ARL5B: variants seen among roughly 807,000 people sequenced by gnomAD.
The protein encoded by ARL5B is ARF like GTPase 5B.
A neutral mutation model predicts 26.9 loss-of-function variants in ARL5B; 10 were observed. The observed-to-expected ratio is 0.37, with a 90% CI of 0.23 to 0.63. The LOEUF (loss-of-function observed/expected upper bound fraction) is 0.63. Ranked by LOEUF, ARL5B falls within the 30% of genes least tolerant of loss-of-function variation. The pLI is 0.62. For missense variants in ARL5B, 167 were observed against 213.9 expected (o/e 0.78, Z 1.37); for synonymous variants, 87 against 70.4 (o/e 1.24, Z -1.18).
rs142861535 is a variant in ARL5B at position 18,659,522 on chromosome 10, C to T, written c.-116C>T. 646 of 1,346,746 alleles carry T rather than the reference C, an allele frequency of 4.8e-4. 4 individuals are homozygous for T. In the African/African-American group the frequency reaches 9.0e-3, roughly 19 times the overall value. The allele number at this position is 1,346,746 out of a possible 1,614,324, so 83.4% of individuals were successfully genotyped here. On this transcript the variant is annotated 5_prime_UTR_variant, in exon 1 of 6. Coordinates refer to ENST00000377275, the MANE Select transcript of ARL5B (RefSeq NM_178815.5). ...AGGCTTCTCGGCCTAGCAGTGCCCTCGCTGCGCGATCTCAGGCGGGTTCTC... is the reference window on the plus strand; with the variant it reads ...AGGCTTCTCGGCCTAGCAGTGCCCTTGCTGCGCGATCTCAGGCGGGTTCTC...
At chr10:18,663,110 G>C (rs940730439) in intron 1 of ARL5B, among the ~76,000 whole-genome samples, 3 of 152,090 alleles carry the variant, frequency 2.0e-5, no homozygotes, top group African/African-American at 7.2e-5. Context: ...CCAAGTTCAA[G>C]CAATTCTCCT....
chr10:18,672,211 C>T (rs561352263), intron 3 of ARL5B, among the ~76,000 whole-genome samples: 5 of 152,110 alleles, frequency 3.3e-5, no homozygotes, highest in Non-Finnish European at 5.9e-5. Flanking sequence ...TTGTGGTATA[C>T]ACAAGTAAGC....
At position 18,675,386 on chromosome 10, in the gene ARL5B, C is replaced by CTT. The variant is rs902244405; in HGVS notation, c.*180_*181dup. On this transcript the variant is annotated 3_prime_UTR_variant, in exon 6 of 6. Transcript: ENST00000377275. ...TGGAACATAAAAGATTTTTTCTTAACTTTTTTTTTTTAACACACTAATCTT... is the reference window on the plus strand; with the variant it reads ...TGGAACATAAAAGATTTTTTCTTAACTTTTTTTTTTTTTAACACACTAATCTT... 76 of 480,668 alleles carry CTT rather than the reference C, an allele frequency of 1.6e-4. No individual in the cohort carries two copies. Among genetic ancestry groups the CTT allele is most frequent in the Admixed American group, 7.0e-4 (19 of 27,194 alleles). 29.8% of individuals were successfully genotyped at this position (480,668 alleles called of 1,614,324 possible). A position where few individuals can be genotyped will look rare whatever the true frequency, so the allele number is the denominator to read the frequency against.
In ARL5B at chr10:18,672,618, C is replaced by T. The variant is rs751389635; in HGVS notation, c.256-4C>T. The T allele has an allele frequency of 6.2e-7, 1 of 1,600,834 alleles. No homozygotes were observed. The highest frequency in any genetic ancestry group is 8.5e-7 in the Non-Finnish European group (1 of 1,173,536). ...TTCTGTCTTTCCTTTTAATTTTCTT[C>T]TAGTTCATCATTCTTGTTGTTGATA... is the stretch of plus-strand genomic sequence containing the variant. On this transcript the variant is annotated splice_polypyrimidine_tract_variant and splice_region_variant and intron_variant, in intron 3 of 5. Transcript: ENST00000377275.
chr10:18,674,083 A>G lies in ARL5B; in HGVS notation c.439A>G (p.Ile147Val). Residue 147 changes from isoleucine to valine, a missense_variant, in exon 5 of 6, where the codon ATT becomes GTT. Ile to Val is a conservative substitution (Grantham distance 29). Coordinates refer to ENST00000377275, the MANE Select transcript of ARL5B (RefSeq NM_178815.5). The part of the protein sequence containing the change: ...EISKYLTLSS[I>V]KDHPWHIQSC... ...CTCGAAATACCTCACCCTTAGTTCA[A>G]TTAAGGATCATCCATGGCACATTCA... 2.5e-6 allele frequency: 4 copies of G among 1,613,230 alleles called. No homozygotes were observed. Among genetic ancestry groups the G allele is most frequent in the African/African-American group, 1.3e-5 (1 of 74,960 alleles).
At chr10:18,670,339 A>G (rs774097449) in intron 3 of ARL5B, among the ~76,000 whole-genome samples, 1 of 152,054 alleles carries the variant, frequency 6.6e-6, no homozygotes, top group Non-Finnish European at 1.5e-5. Flanking sequence ...GGCCAGGCGC[A>G]GTGGCTCACT....
At chr10:18,664,699 A>C (rs1437552148) in intron 1 of ARL5B, among the ~76,000 whole-genome samples, 4 of 152,132 alleles carry the variant, frequency 2.6e-5, no homozygotes, top group Non-Finnish European at 4.4e-5. Context: ...CGGCCTCCCA[A>C]AGTGCTAAGA....
At position 18,675,633 on chromosome 10, in the gene ARL5B, C is replaced by T. The variant is rs895342819; in HGVS notation, c.*417C>T. On this transcript the variant is annotated 3_prime_UTR_variant, in exon 6 of 6. Coordinates refer to ENST00000377275, the MANE Select transcript of ARL5B (RefSeq NM_178815.5). Reference sequence around the variant, plus strand: ...GAGTAGTCTTGGAAACCATCAGGTACTGCCTGCAGACTTCTCCAGCACTAA... The same window carrying T: ...GAGTAGTCTTGGAAACCATCAGGTATTGCCTGCAGACTTCTCCAGCACTAA... The T allele has an allele frequency of 5.1e-5, 9 of 177,010 alleles. 1 individual carries two copies. The South Asian group carries it at 1.0e-3, about 20-fold the overall frequency. The allele number at this position is 177,010 out of a possible 1,614,324, so 11.0% of individuals were successfully genotyped here. A position where few individuals can be genotyped will look rare whatever the true frequency, so the allele number is the denominator to read the frequency against.
chr10:18,676,555 C>T lies in ARL5B; in HGVS notation c.*1339C>T, dbSNP rs2059911299. 2.6e-5 allele frequency: 4 copies of T among 151,852 alleles called. No individual in the cohort carries two copies. The highest frequency in any genetic ancestry group is 4.8e-5 in the African/African-American group (2 of 41,410). 9.4% of individuals were successfully genotyped at this position (151,852 alleles called of 1,614,324 possible). On this transcript the variant is annotated 3_prime_UTR_variant, in exon 6 of 6. Transcript: ENST00000377275. ...AAGAGGAAAGACAAGTGTCGTATTTCGATCCTGTTTATTCAAATGTGTGAT... is the reference window on the plus strand; with the variant it reads ...AAGAGGAAAGACAAGTGTCGTATTTTGATCCTGTTTATTCAAATGTGTGAT...
intron 3 of ARL5B, among the ~76,000 whole-genome samples, chr10:18,671,269 T>C (rs2059885840): frequency 6.6e-6 from 1 of 151,678 alleles, no homozygotes; most frequent in African/African-American, 2.4e-5. Flanking sequence ...GCCTCCCAGG[T>C]TCAAAGGATT....
At chr10:18,671,473 T>G (rs1248699610) in intron 3 of ARL5B, among the ~76,000 whole-genome samples, 4 of 152,102 alleles carry the variant, frequency 2.6e-5, no homozygotes, top group Admixed American at 2.6e-4. Context: ...CTAGCCTGTT[T>G]CCCTAATTTT....
In ARL5B at chr10:18,668,614, G is replaced by A; in HGVS notation, c.192G>A (p.Met64Ile). The A allele has an allele frequency of 6.2e-7, 1 of 1,614,120 alleles. No homozygotes were observed. Among genetic ancestry groups the A allele is most frequent in the Non-Finnish European group, 8.5e-7 (1 of 1,180,016 alleles). Residue 64 changes from methionine (M) to isoleucine (I), a missense_variant, in exon 3 of 6, where the codon ATG becomes ATA. Transcript: ENST00000377275. Reference protein sequence around the residue: ...EIVVKNTHFLMWDIGGQESLR... With the variant: ...EIVVKNTHFLIWDIGGQESLR... Reference sequence around the variant, plus strand: ...TTGTGAAGAACACTCATTTTCTTATGTGGGATATTGGTGGTCAGGAGTCTC... The same window carrying A: ...TTGTGAAGAACACTCATTTTCTTATATGGGATATTGGTGGTCAGGAGTCTC...
At chr10:18,669,915 AC>A (rs200827068) in intron 3 of ARL5B, among the ~76,000 whole-genome samples, 7,584 of 149,992 alleles carry the variant, frequency 0.051, 250 homozygotes, top group Non-Finnish European at 0.076. Flanking sequence ...AATCGCTTGA[AC>A]CCAGGAGGCA....
At chr10:18,663,622 C>G (rs1211014732) in intron 1 of ARL5B, among the ~76,000 whole-genome samples, 2 of 144,654 alleles carry the variant, frequency 1.4e-5, no homozygotes, top group Non-Finnish European at 1.5e-5. Context: ...TATCTCGGCT[C>G]ACTGCAAGCT....
rs1005836281 is a variant in ARL5B at position 18,679,661 on chromosome 10, C to T, written c.*4445C>T. ...TTTAAAGCAGAAAAAAAAATTGTGC[C>T]CCTCAGACCTAAAGGCAGCTTTAAA... On this transcript the variant is annotated 3_prime_UTR_variant, in exon 6 of 6. Transcript: ENST00000377275. The T allele has an allele frequency of 1.3e-5, 2 of 151,638 alleles. No individual in the cohort carries two copies. Among genetic ancestry groups the T allele is most frequent in the African/African-American group, 4.8e-5 (2 of 41,318 alleles). 9.4% of individuals were successfully genotyped at this position (151,638 alleles called of 1,614,324 possible).
intron 1 of ARL5B, 88 bp downstream of exon 1, chr10:18,659,771 T>G (rs894090261): frequency 6.4e-7 from 1 of 1,567,146 alleles, no homozygotes; most frequent in East Asian, 2.4e-5. Context: ...GGACAGAGCG[T>G]TCGGAGACGC....
intron 4 of ARL5B, among the ~76,000 whole-genome samples, chr10:18,673,554 G>T (rs1227064719): frequency 6.6e-6 from 1 of 151,960 alleles, no homozygotes; most frequent in Non-Finnish European, 1.5e-5. Flanking sequence ...TTCTTCTAAT[G>T]TTTTCATAGT....
rs2059816259 is a variant in ARL5B at position 18,659,537 on chromosome 10, G to A, written c.-101G>A. The A allele has an allele frequency of 3.5e-6, 5 of 1,420,884 alleles. No individual in the cohort carries two copies. The South Asian group carries it at 7.2e-5, about 21-fold the overall frequency. 88.0% of individuals were successfully genotyped at this position (1,420,884 alleles called of 1,614,324 possible). Reference sequence around the variant, plus strand: ...GCAGTGCCCTCGCTGCGCGATCTCAGGCGGGTTCTCCTCGGCTCCGCGCAG... The same window carrying A: ...GCAGTGCCCTCGCTGCGCGATCTCAAGCGGGTTCTCCTCGGCTCCGCGCAG... On this transcript the variant is annotated 5_prime_UTR_variant, in exon 1 of 6. Coordinates refer to ENST00000377275, the MANE Select transcript of ARL5B (RefSeq NM_178815.5).
intron 3 of ARL5B, among the ~76,000 whole-genome samples, chr10:18,671,596 A>T (rs939970344): frequency 6.6e-6 from 1 of 151,800 alleles, no homozygotes; most frequent in African/African-American, 2.4e-5. Flanking sequence ...TTCTGTATAC[A>T]GTGTTCAGCT....
Sources: allele counts gnomAD v4.1 joint callset (sites outside exome capture counted in the v4.1 genomes callset), GRCh38; gene constraint gnomAD v4.1.1; transcripts MANE v1.5; gene names NCBI Gene and HGNC (gene_info 2026-07-23, HGNC 2026-07-21).